The following SLC39A10 variants were observed in gnomAD, a reference collection of about 807,000 sequenced individuals.
SLC39A10 encodes the protein solute carrier family 39 member 10, also known as zinc transporter ZIP10.
In SLC39A10, 13 loss-of-function variants were observed where a neutral mutation model predicts 65.1. The observed-to-expected ratio is 0.20, with a 90% CI of 0.13 to 0.32. The LOEUF (loss-of-function observed/expected upper bound fraction) is 0.32, where lower values mean the gene tolerates loss of function less well. Ranked by LOEUF, SLC39A10 falls within the 10% of genes least tolerant of loss-of-function variation. The pLI is 1.00. For synonymous variants in SLC39A10, 321 were observed against 342.2 expected (o/e 0.94, Z 0.68); for missense variants, 831 against 1,018.4 (o/e 0.82, Z 2.50).
At chr2:195,631,006 G>T (rs566754679) in intron 2 of SLC39A10, among the ~76,000 whole-genome samples, 230 of 152,168 alleles carry the variant, frequency 1.5e-3, no homozygotes, top group African/African-American at 5.0e-3. Flanking sequence ...CTGGCCAACA[G>T]GGTGAAATCC....
At chr2:195,644,458 C>T (rs1471364620) in intron 2 of SLC39A10, among the ~76,000 whole-genome samples, 1 of 151,176 alleles carries the variant, frequency 6.6e-6, no homozygotes, top group Non-Finnish European at 1.5e-5. Context: ...TCTCCTGCCT[C>T]AGTCTCTTGA....
intron 9 of SLC39A10, among the ~76,000 whole-genome samples, chr2:195,733,287 C>T (rs1048704146): frequency 4.3e-4 from 66 of 152,168 alleles, no homozygotes; most frequent in Admixed American, 4.3e-3. Context: ...TAGATAATGA[C>T]TGCAAATTTG....
chr2:195,650,368 C>T (rs1245625329), intron 2 of SLC39A10, among the ~76,000 whole-genome samples: 1 of 151,572 alleles, frequency 6.6e-6, no homozygotes, highest in African/African-American at 2.4e-5. Flanking sequence ...GTGTGGTCAA[C>T]GTGTTAGTCT....
Position 195,683,784 on chromosome 2 carries a change from C to T in SLC39A10, c.1094C>T (p.Pro365Leu). The T allele has an allele frequency of 1.6e-5, 26 of 1,613,334 alleles. No homozygotes were observed. Among genetic ancestry groups the T allele is most frequent in the Non-Finnish European group, 2.1e-5 (25 of 1,179,460 alleles). ...ACTGATTTATTTACATACCTTTGCC[C>T]TGCATTGTTATATCAAATCGACAGC... ...ISTDLFTYLC[P>L]ALLYQIDSRL... Residue 365 changes from proline to leucine, a missense_variant, in exon 3 of 10, where the codon CCT becomes CTT. Physicochemically the swap from Pro to Leu is moderately conservative, Grantham distance 98 (BLOSUM62 -3). Around this residue, in one of 4 missense-constraint regions of SLC39A10, gnomAD observed 446 missense variants for 499.2 expected, o/e 0.89. Coordinates refer to ENST00000359634, the MANE Select transcript of SLC39A10 (RefSeq NM_020342.3).
intron 2 of SLC39A10, among the ~76,000 whole-genome samples, chr2:195,651,243 G>A (rs1393790924): frequency 5.9e-5 from 9 of 152,176 alleles, no homozygotes; most frequent in East Asian, 1.9e-4. Flanking sequence ...AAAGACTACC[G>A]CATGGGTCCA....
At chr2:195,713,211 AT>A (rs754633066) in intron 5 of SLC39A10, among the ~76,000 whole-genome samples, 12 of 152,310 alleles carry the variant, frequency 7.9e-5, no homozygotes, top group Non-Finnish European at 1.5e-4. Context: ...AAGTAGATGA[AT>A]GGAACCTCTT....
At chr2:195,642,734 G>GA (rs1204511990) in intron 2 of SLC39A10, among the ~76,000 whole-genome samples, 6 of 152,152 alleles carry the variant, frequency 3.9e-5, no homozygotes, top group Non-Finnish European at 1.5e-5. Flanking sequence ...GAGAGGGCTA[G>GA]AAATTGCGTT....
chr2:195,627,015 G>A (rs1299534766), intron 2 of SLC39A10, among the ~76,000 whole-genome samples: 1 of 152,054 alleles, frequency 6.6e-6, no homozygotes, highest in Non-Finnish European at 1.5e-5. Flanking sequence ...CTGTATTTCT[G>A]GGGGAAAATA....
chr2:195,659,892 T>G (rs1689316749), intron 1 of SLC39A10, among the ~76,000 whole-genome samples: 1 of 152,178 alleles, frequency 6.6e-6, no homozygotes, highest in Non-Finnish European at 1.5e-5. Flanking sequence ...AGAATGAGCT[T>G]TGATGGTCTC....
intron 3 of SLC39A10, among the ~76,000 whole-genome samples, chr2:195,701,654 G>A (rs1457197070): frequency 6.6e-6 from 1 of 150,914 alleles, no homozygotes; most frequent in Non-Finnish European, 1.5e-5. Flanking sequence ...GTCTCTGTGG[G>A]ATAAACATAA....
At chr2:195,645,049 A>G (rs1404059160) in intron 2 of SLC39A10, among the ~76,000 whole-genome samples, 1 of 151,998 alleles carries the variant, frequency 6.6e-6, no homozygotes, top group Non-Finnish European at 1.5e-5. Flanking sequence ...AGCTAGGATT[A>G]CAGGCATGTG....
chr2:195,667,344 T>C (rs1185674163), intron 1 of SLC39A10, among the ~76,000 whole-genome samples: 1 of 152,244 alleles, frequency 6.6e-6, no homozygotes, highest in Admixed American at 6.5e-5. Context: ...TGGTCCCTGC[T>C]GAGAACTCAT....
At chr2:195,668,955 A>G (rs1483840460) in intron 1 of SLC39A10, among the ~76,000 whole-genome samples, 3 of 151,972 alleles carry the variant, frequency 2.0e-5, no homozygotes, top group South Asian at 2.1e-4. Context: ...GGCGCCTGTA[A>G]TCCCAGCTAC....
At chr2:195,691,941 A>G (rs993670996) in intron 3 of SLC39A10, among the ~76,000 whole-genome samples, 1 of 152,186 alleles carries the variant, frequency 6.6e-6, no homozygotes, top group African/African-American at 2.4e-5. Flanking sequence ...GTCTTTGCCT[A>G]AGCCAATGTC....
intron 2 of SLC39A10, among the ~76,000 whole-genome samples, chr2:195,630,339 G>A (rs966702792): frequency 6.6e-6 from 1 of 152,122 alleles, no homozygotes; most frequent in East Asian, 1.9e-4. Flanking sequence ...ATGAAAAGAT[G>A]TGTAGGGTGA....
intron 1 of SLC39A10, among the ~76,000 whole-genome samples, chr2:195,658,937 A>G (rs1689272482): frequency 6.6e-6 from 1 of 152,242 alleles, no homozygotes; most frequent in Non-Finnish European, 1.5e-5. Flanking sequence ...TAGAATTGCA[A>G]CAGAAACCAG....
chr2:195,619,482 T>C (rs1465104607), intron 2 of SLC39A10, among the ~76,000 whole-genome samples: 1 of 152,202 alleles, frequency 6.6e-6, no homozygotes, highest in Non-Finnish European at 1.5e-5. Flanking sequence ...CAGATATCAA[T>C]ACTATATTTG....
At chr2:195,694,588 C>T (rs1282440225) in intron 3 of SLC39A10, among the ~76,000 whole-genome samples, 1 of 152,196 alleles carries the variant, frequency 6.6e-6, no homozygotes, top group African/African-American at 2.4e-5. Context: ...GCAGAGAGAC[C>T]TGTGGTGTGA....
chr2:195,691,715 T>G (rs1690745549), intron 3 of SLC39A10, among the ~76,000 whole-genome samples: 1 of 152,242 alleles, frequency 6.6e-6, no homozygotes, highest in South Asian at 2.1e-4. Flanking sequence ...TGGGATTGTT[T>G]GTTTTTCTCT....
Sources: gnomAD v4.1 joint callset for allele counts (sites outside exome capture counted in the v4.1 genomes callset) on GRCh38, gnomAD v4.1.1 for gene constraint, gnomAD v4.1.1 regional missense constraint, MANE v1.5 for transcripts, NCBI Gene and HGNC (gene_info 2026-07-23, HGNC 2026-07-21) for gene names.